Variants in CSMD2 observed in about 807,000 individuals in gnomAD.
CSMD2 encodes the protein CUB and Sushi multiple domains 2, also known as CUB and sushi domain-containing protein 2.
A neutral mutation model predicts 398.5 loss-of-function variants in CSMD2; 130 were observed. The ratio of observed to expected loss-of-function variants is 0.33; its 90% CI spans 0.28 to 0.38. The LOEUF (loss-of-function observed/expected upper bound fraction) is 0.38, where lower values mean the gene tolerates loss of function less well. CSMD2 is among the 10% of genes least tolerant of loss of function. CSMD2 has a pLI of 1.00. For missense variants in CSMD2, 3,829 were observed against 4,764.9 expected, an observed-to-expected ratio of 0.80 and a Z score of 5.78; for synonymous variants, 1,828 against 1,908.5, an observed-to-expected ratio of 0.96 and a Z score of 1.10.
intron 3 of CSMD2, among the ~76,000 whole-genome samples, chr1:33,942,504 T>A (rs1644708410): frequency 6.6e-6 from 1 of 152,250 alleles, no homozygotes; most frequent in Admixed American, 6.5e-5. Flanking sequence ...CCCGCCCTGC[T>A]GGGCTTTGCC....
chr1:33,535,364 G>A (rs1383895661), intron 62 of CSMD2, among the ~76,000 whole-genome samples: 2 of 152,128 alleles, frequency 1.3e-5, no homozygotes. Context: ...TATCACATAT[G>A]TGCATACATA....
intron 9 of CSMD2, among the ~76,000 whole-genome samples, chr1:33,815,057 G>A (rs1281282150): frequency 6.6e-6 from 1 of 152,018 alleles, no homozygotes; most frequent in Non-Finnish European, 1.5e-5. Context: ...CTGGGGGCTG[G>A]GGGGCTACCA....
intron 1 of CSMD2, among the ~76,000 whole-genome samples, chr1:34,153,030 T>C (rs1312447624): frequency 1.3e-5 from 2 of 152,232 alleles, no homozygotes; most frequent in Admixed American, 6.5e-5. Flanking sequence ...TTTAATTTTT[T>C]TTTGGAGACA....
At chr1:34,016,911 T>C (rs368497698) in intron 3 of CSMD2, among the ~76,000 whole-genome samples, 14 of 152,180 alleles carry the variant, frequency 9.2e-5, no homozygotes, top group African/African-American at 3.4e-4. Context: ...CAGGGCTATA[T>C]TGTATTTCAC....
At chr1:33,748,647 C>A (rs890309294) in intron 13 of CSMD2, among the ~76,000 whole-genome samples, 1 of 151,910 alleles carries the variant, frequency 6.6e-6, no homozygotes, top group African/African-American at 2.4e-5. Flanking sequence ...AATACAAAAT[C>A]CAAATATCAT....
chr1:33,616,331 G>T (rs1225299083), intron 39 of CSMD2, among the ~76,000 whole-genome samples: 7 of 151,990 alleles, frequency 4.6e-5, no homozygotes, highest in Non-Finnish European at 8.8e-5. Context: ...TCCGCCTCCT[G>T]GGTTCAAGTG....
At chr1:33,829,497 C>T (rs1024071791) in intron 6 of CSMD2, among the ~76,000 whole-genome samples, 6 of 152,214 alleles carry the variant, frequency 3.9e-5, no homozygotes, top group African/African-American at 1.2e-4. Context: ...CCCATTAACT[C>T]GTCATTTAAC....
chr1:34,084,344 C>T (rs1470118815), intron 2 of CSMD2, among the ~76,000 whole-genome samples: 1 of 152,120 alleles, frequency 6.6e-6, no homozygotes, highest in African/African-American at 2.4e-5. Context: ...TGTCTAACAC[C>T]AAAAGCAATG....
At chr1:34,053,499 C>T (rs1653457913) in intron 2 of CSMD2, among the ~76,000 whole-genome samples, 1 of 152,096 alleles carries the variant, frequency 6.6e-6, no homozygotes, top group South Asian at 2.1e-4. Context: ...AGTTTCAATA[C>T]AGGTCCATTA....
chr1:33,584,731 G>A (rs1638963465), intron 46 of CSMD2, among the ~76,000 whole-genome samples: 1 of 138,674 alleles, frequency 7.2e-6, no homozygotes, highest in African/African-American at 2.6e-5. Flanking sequence ...TGTAAAGCAT[G>A]CAACATAGTG....
chr1:34,117,933 A>G (rs1661773733), intron 1 of CSMD2, among the ~76,000 whole-genome samples: 1 of 152,190 alleles, frequency 6.6e-6, no homozygotes, highest in South Asian at 2.1e-4. Context: ...ACACTCAGCC[A>G]GGCGTGGTGG....
chr1:34,152,383 C>T (rs1640405749), intron 1 of CSMD2, among the ~76,000 whole-genome samples: 1 of 152,186 alleles, frequency 6.6e-6, no homozygotes, highest in African/African-American at 2.4e-5. Flanking sequence ...CCAAGGCCTG[C>T]CTTTGCCAGT....
chr1:33,984,282 C>T (rs1646273053), intron 3 of CSMD2, among the ~76,000 whole-genome samples: 1 of 152,156 alleles, frequency 6.6e-6, no homozygotes. Flanking sequence ...CTGATTTAGA[C>T]TAAGGCAGTG....
chr1:33,977,569 C>T (rs562382981), intron 3 of CSMD2, among the ~76,000 whole-genome samples: 4 of 152,134 alleles, frequency 2.6e-5, no homozygotes, highest in South Asian at 2.1e-4. Flanking sequence ...TCCAGGGACC[C>T]TCAGGACACC....
At chr1:33,753,819 T>C (rs1648606384) in intron 13 of CSMD2, among the ~76,000 whole-genome samples, 1 of 152,276 alleles carries the variant, frequency 6.6e-6, no homozygotes, top group African/African-American at 2.4e-5. Flanking sequence ...GTTGGATCTT[T>C]AAGATTTAAT....
chr1:34,112,275 G>A (rs1413326000), intron 1 of CSMD2, among the ~76,000 whole-genome samples: 14 of 152,060 alleles, frequency 9.2e-5, no homozygotes, highest in Admixed American at 8.5e-4. Flanking sequence ...TCAGACTTCT[G>A]TTTAGAAGAC....
intron 2 of CSMD2, among the ~76,000 whole-genome samples, chr1:34,061,206 A>G (rs1182063746): frequency 1.3e-5 from 2 of 152,176 alleles, no homozygotes; most frequent in African/African-American, 2.4e-5. Flanking sequence ...TCTCCTTACA[A>G]CAAAGAAACT....
At chr1:33,909,777 CT>C (rs1643346747) in intron 5 of CSMD2, among the ~76,000 whole-genome samples, 1 of 152,202 alleles carries the variant, frequency 6.6e-6, no homozygotes, top group Non-Finnish European at 1.5e-5. Flanking sequence ...TTGATTTTAT[CT>C]GACCACCTTC....
chr1:33,713,436 G>A (rs981143841), intron 21 of CSMD2, among the ~76,000 whole-genome samples: 4 of 152,202 alleles, frequency 2.6e-5, no homozygotes, highest in African/African-American at 9.6e-5. Context: ...ATGGCTAACA[G>A]TGAGCATGGA....
Sources: allele counts gnomAD v4.1 joint callset (sites outside exome capture counted in the v4.1 genomes callset), GRCh38; gene constraint gnomAD v4.1.1; transcripts MANE v1.5; gene names NCBI Gene and HGNC (gene_info 2026-07-23, HGNC 2026-07-21).